NPTN: variants seen among roughly 807,000 people sequenced by gnomAD.
NPTN encodes the protein SDR-1.
In NPTN, 5 loss-of-function variants were observed where a neutral mutation model predicts 42.7. The ratio of observed to expected loss-of-function variants is 0.12; its 90% CI spans 0.06 to 0.25. NPTN has a LOEUF of 0.25. Ranked by LOEUF, NPTN falls within the 10% of genes least tolerant of loss-of-function variation. The pLI is 1.00. For missense variants in NPTN, 307 were observed against 525.4 expected, an observed-to-expected ratio of 0.58 and a Z score of 4.06; for synonymous variants, 180 against 201.9, an observed-to-expected ratio of 0.89 and a Z score of 0.92.
At chr15:73,594,073 G>A (rs1271491000) in intron 2 of NPTN, among the ~76,000 whole-genome samples, 1 of 151,998 alleles carries the variant, frequency 6.6e-6, no homozygotes, top group African/African-American at 2.4e-5. Flanking sequence ...GATAGAACCA[G>A]TACTCCACAG....
Position 73,592,013 on chromosome 15 carries a change from C to T in NPTN, c.564G>A (p.Gly188=). 1 of 1,614,018 alleles carries T rather than the reference C, an allele frequency of 6.2e-7. No homozygotes were observed. The highest frequency in any genetic ancestry group is 8.5e-7 in the Non-Finnish European group (1 of 1,179,930). Reference sequence around the variant, plus strand: ...TCTTACGAGTGGCACTCAGTTCCACCCCATTCTTTGTCCAGTAGCTGTATG... The same window carrying T: ...TCTTACGAGTGGCACTCAGTTCCACTCCATTCTTTGTCCAGTAGCTGTATG... ...TLTYSYWTKN[G]VELSATRKNA... Residue 188 remains glycine (G), a synonymous_variant, in exon 3 of 9, where the codon GGG becomes GGA. Coordinates refer to ENST00000345330, the MANE Select transcript of NPTN (RefSeq NM_012428.4).
intron 3 of NPTN, among the ~76,000 whole-genome samples, chr15:73,591,199 A>G (rs1896572332): frequency 6.6e-6 from 1 of 152,226 alleles, no homozygotes; most frequent in Admixed American, 6.5e-5. Context: ...TATCCTGCAG[A>G]ATGCCCTTGC....
At chr15:73,565,190 C>T (rs1477974042) in intron 6 of NPTN, among the ~76,000 whole-genome samples, 2 of 152,174 alleles carry the variant, frequency 1.3e-5, no homozygotes, top group Non-Finnish European at 2.9e-5. Context: ...TCCCAGGAGC[C>T]CTCTTCATCT....
At chr15:73,627,294 A>C (rs1176059580) in intron 1 of NPTN, among the ~76,000 whole-genome samples, 1 of 152,232 alleles carries the variant, frequency 6.6e-6, no homozygotes, top group Non-Finnish European at 1.5e-5. Context: ...AAGCTCCAGT[A>C]GTTAAGATTA....
rs978296328 is a variant in NPTN, at chr15:73,613,693, C to CT, written c.92-16325dup. 6.1e-3 allele frequency among the ~76,000 whole-genome samples: 912 copies of CT among 149,494 alleles called. 3 individuals are homozygous for CT. Among genetic ancestry groups the CT allele is most frequent in the African/African-American group, 0.021 (864 of 40,906 alleles). ...CGCGGTAACAAAATGCTGGACATAT[C>CT]TTTTTTTTTTGAGACAGAGTCTCGC... is the stretch of plus-strand genomic sequence containing the variant. On this transcript the variant is annotated intron_variant, in intron 1 of 8. Coordinates refer to ENST00000345330, the MANE Select transcript of NPTN (RefSeq NM_012428.4).
At chr15:73,573,593 G>A in intron 5 of NPTN, 69 bp downstream of exon 5, 1 of 1,474,672 alleles carries the variant, frequency 6.8e-7, no homozygotes. Context: ...TACAGTAACT[G>A]ACCCACGTGT....
chr15:73,587,476 T>C (rs767984352), intron 4 of NPTN, 48 bp downstream of exon 4: 3 of 1,346,404 alleles, frequency 2.2e-6, no homozygotes, highest in African/African-American at 1.4e-5. Context: ...AGGTACTGTC[T>C]TGGAAGGAGA....
chr15:73,601,589 T>G (rs1186011308), intron 1 of NPTN, among the ~76,000 whole-genome samples: 1 of 152,178 alleles, frequency 6.6e-6, no homozygotes, highest in African/African-American at 2.4e-5. Flanking sequence ...CTGCCTAAAG[T>G]TGGGAGGCCA....
At chr15:73,625,910 A>G (rs566579785) in intron 1 of NPTN, among the ~76,000 whole-genome samples, 3 of 152,360 alleles carry the variant, frequency 2.0e-5, no homozygotes, top group African/African-American at 7.2e-5. Context: ...GACCTAACAG[A>G]TAACAAAGTA....
intron 1 of NPTN, among the ~76,000 whole-genome samples, chr15:73,607,022 G>C (rs777616528): frequency 1.3e-5 from 2 of 152,090 alleles, no homozygotes; most frequent in Non-Finnish European, 2.9e-5. Context: ...AGAATGTTTA[G>C]GTTGGCTTAG....
chr15:73,570,591 C>T lies in NPTN; in HGVS notation c.841-168G>A, dbSNP rs554506782. On this transcript the variant is annotated intron_variant, in intron 5 of 8. Coordinates refer to ENST00000345330, the MANE Select transcript of NPTN (RefSeq NM_012428.4). This position sits in a 1 kb window ranked among gnomAD's most constrained non-coding sequence, Gnocchi z 4.0. ...TTCAGTATCAACAACAACAAATCAA[C>T]TTCTGACAGAGCCAGGCAAGCCTCC... 6.6e-6 allele frequency among the ~76,000 whole-genome samples: 1 copy of T among 152,354 alleles called. No homozygotes were observed. The highest frequency in any genetic ancestry group is 2.4e-5 in the African/African-American group (1 of 41,578).
At chr15:73,603,462 A>T (rs986388721) in intron 1 of NPTN, among the ~76,000 whole-genome samples, 1 of 152,224 alleles carries the variant, frequency 6.6e-6, no homozygotes, top group Admixed American at 6.5e-5. Flanking sequence ...TGCAGAAGGG[A>T]ATGAAAAAGA....
chr15:73,632,462 G>A lies in NPTN; in HGVS notation c.91+663C>T, dbSNP rs1898803524. 2.6e-5 allele frequency: 4 copies of A among 152,212 alleles called. No individual in the cohort carries two copies. In the Admixed American group the frequency reaches 2.6e-4, roughly 10 times the overall value. 9.4% of individuals were successfully genotyped at this position (152,212 alleles called of 1,614,324 possible). On this transcript the variant is annotated intron_variant, in intron 1 of 8. Coordinates refer to ENST00000345330, the MANE Select transcript of NPTN (RefSeq NM_012428.4). ...CAGCCCTCTTCCCCCAGCTCATTTG[G>A]AGACACTGCTGCTTCTCTCTCCAGG...
chr15:73,594,740 C>T (rs1240455762), intron 2 of NPTN, among the ~76,000 whole-genome samples: 3 of 152,112 alleles, frequency 2.0e-5, no homozygotes, highest in African/African-American at 4.8e-5. Context: ...TTACCCCAGC[C>T]ATCATGCATA....
At chr15:73,631,948 T>C (rs1026621776) in intron 1 of NPTN, among the ~76,000 whole-genome samples, 1 of 152,148 alleles carries the variant, frequency 6.6e-6, no homozygotes, top group Non-Finnish European at 1.5e-5. Flanking sequence ...AACCCAGTAA[T>C]TCTCTGCTTT....
intron 4 of NPTN, among the ~76,000 whole-genome samples, chr15:73,578,192 G>C (rs1895796257): frequency 6.6e-6 from 1 of 152,076 alleles, no homozygotes; most frequent in Non-Finnish European, 1.5e-5. Flanking sequence ...TAATGACTTT[G>C]GCAGTTACAG....
In NPTN at chr15:73,584,068, C is replaced by A. The variant is rs115057392; in HGVS notation, c.706+3456G>T. On this transcript the variant is annotated intron_variant, in intron 4 of 8. Transcript: ENST00000345330. The stretch of plus-strand genomic sequence containing the variant: ...AGGAGAAAAACAAGATCAATCCTGG[C>A]TCTCTCAGCAGCCAAAAGACTGAAA... 4.2e-3 allele frequency among the ~76,000 whole-genome samples: 644 copies of A among 152,288 alleles called. 2 individuals carry two copies. Among genetic ancestry groups the A allele is most frequent in the African/African-American group, 0.015 (613 of 41,550 alleles).
intron 2 of NPTN, 84 bp from the exon 3 acceptor site, chr15:73,592,221 G>C: frequency 2.5e-6 from 3 of 1,193,770 alleles, no homozygotes; most frequent in Non-Finnish European, 3.5e-6. Context: ...GGGTAGGAGG[G>C]GGAAACTAGA....
rs550660760 is a variant in NPTN, at chr15:73,626,452, C to T, written c.91+6673G>A. Among the ~76,000 whole-genome samples, 3 of 152,270 alleles carry T rather than the reference C, an allele frequency of 2.0e-5. No individual in the cohort carries two copies. The East Asian group carries it at 5.8e-4, about 29-fold the overall frequency. On this transcript the variant is annotated intron_variant, in intron 1 of 8. Transcript: ENST00000345330. ...AACAGAAAGTGTTATCATCTCTGAG[C>T]CTTTAACCTATTGGAGACAGTATCT... is the stretch of plus-strand genomic sequence containing the variant.
Sources: allele counts gnomAD v4.1 joint callset (sites outside exome capture counted in the v4.1 genomes callset), GRCh38; gene constraint gnomAD v4.1.1; non-coding constraint Gnocchi (gnomAD v3.1); transcripts MANE v1.5; gene names NCBI Gene and HGNC (gene_info 2026-07-23, HGNC 2026-07-21).